Variants in FSTL4 observed in about 807,000 individuals in gnomAD.
FSTL4 encodes the protein follistatin like 4, also known as follistatin-related protein 4.
A neutral mutation model predicts 78.2 loss-of-function variants in FSTL4; 28 were observed. The ratio of observed to expected loss-of-function variants is 0.36; its 90% CI spans 0.27 to 0.49. The LOEUF (loss-of-function observed/expected upper bound fraction) is 0.49, where lower values mean the gene tolerates loss of function less well. Among genes scored for constraint, FSTL4 ranks in the 20% least tolerant of loss-of-function variants. FSTL4 has a pLI of 0.98. For synonymous variants in FSTL4, 422 were observed against 440.5 expected (o/e 0.96, Z 0.53); for missense variants, 922 against 1,084.9 (o/e 0.85, Z 2.11).
chr5:133,803,902 G>A, the FSTL4 span, among the ~76,000 whole-genome samples: 1 of 152,190 alleles, frequency 6.6e-6, no homozygotes, highest in Non-Finnish European at 1.5e-5. Context: ...GAGGGCAGAA[G>A]AGAAAGAGAA....
chr5:133,796,700 C>T, the FSTL4 span, among the ~76,000 whole-genome samples: 1 of 151,994 alleles, frequency 6.6e-6, no homozygotes, highest in Admixed American at 6.6e-5. Flanking sequence ...CTCATCTCCT[C>T]ACCTACTCTG....
intron 3 of FSTL4, among the ~76,000 whole-genome samples, chr5:133,407,631 C>T (rs1018388046): frequency 1.3e-5 from 2 of 152,230 alleles, no homozygotes; most frequent in Non-Finnish European, 2.9e-5. Flanking sequence ...AGAGAAGGAA[C>T]ACCTTTCATC....
the FSTL4 span, among the ~76,000 whole-genome samples, chr5:133,714,543 C>T: frequency 1.3e-5 from 2 of 152,210 alleles, no homozygotes; most frequent in Non-Finnish European, 2.9e-5. Flanking sequence ...CTCTTTGCTG[C>T]GTCTTCACTT....
intron 3 of FSTL4, among the ~76,000 whole-genome samples, chr5:133,402,005 G>T (rs1338070737): frequency 6.6e-6 from 1 of 152,144 alleles, no homozygotes; most frequent in Admixed American, 6.5e-5. Context: ...TGTTCAGGAT[G>T]GGGGTGGGGG....
intron 3 of FSTL4, among the ~76,000 whole-genome samples, chr5:133,439,871 T>A (rs956602875): frequency 6.6e-6 from 1 of 151,912 alleles, no homozygotes; most frequent in Non-Finnish European, 1.5e-5. Context: ...CCTGGCACCA[T>A]CAGTGCTAGA....
chr5:133,241,520 C>G (rs959494648), intron 7 of FSTL4, among the ~76,000 whole-genome samples: 1 of 152,248 alleles, frequency 6.6e-6, no homozygotes, highest in African/African-American at 2.4e-5. Flanking sequence ...CTTGTCCACC[C>G]TTAGAGGCCA....
the FSTL4 span, among the ~76,000 whole-genome samples, chr5:133,715,975 A>G: frequency 6.6e-6 from 1 of 152,218 alleles, no homozygotes; most frequent in South Asian, 2.1e-4. Context: ...GTGAAGGAGC[A>G]GAAGAAAGCA....
At chr5:133,753,685 G>GTGTGTT in the FSTL4 span, among the ~76,000 whole-genome samples, 5 of 28,688 alleles carry the variant, frequency 1.7e-4, no homozygotes, top group African/African-American at 7.9e-4. Flanking sequence ...CATTTGTTCT[G>GTGTGTT]TGTGTGTGTG....
At chr5:133,801,188 C>T in the FSTL4 span, among the ~76,000 whole-genome samples, 1 of 152,220 alleles carries the variant, frequency 6.6e-6, no homozygotes, top group East Asian at 1.9e-4. Flanking sequence ...TTGGTGCCCA[C>T]TGCTGCGACT....
intron 3 of FSTL4, among the ~76,000 whole-genome samples, chr5:133,512,065 C>T (rs1344776537): frequency 6.6e-6 from 1 of 152,272 alleles, no homozygotes; most frequent in African/African-American, 2.4e-5. Context: ...CCTCCTTCTA[C>T]ATCCTTCACT....
the FSTL4 span, among the ~76,000 whole-genome samples, chr5:133,667,097 C>T: frequency 0.011 from 1,715 of 152,326 alleles, 15 homozygotes; most frequent in Middle Eastern, 0.017. Context: ...TTCTGCAAAT[C>T]TGCTCCTCCC....
At chr5:133,736,946 G>A in the FSTL4 span, among the ~76,000 whole-genome samples, 1 of 151,864 alleles carries the variant, frequency 6.6e-6, no homozygotes, top group Non-Finnish European at 1.5e-5. Flanking sequence ...AATGTTTGTG[G>A]GTACATAGTA....
At chr5:133,262,236 T>C (rs1752547620) in intron 6 of FSTL4, among the ~76,000 whole-genome samples, 1 of 152,154 alleles carries the variant, frequency 6.6e-6, no homozygotes, top group African/African-American at 2.4e-5. Context: ...CCCCAGCCCC[T>C]GTTCTACAGG....
intron 3 of FSTL4, among the ~76,000 whole-genome samples, chr5:133,546,062 G>C (rs1184322694): frequency 6.6e-6 from 1 of 152,248 alleles, no homozygotes; most frequent in Non-Finnish European, 1.5e-5. Flanking sequence ...AAATATCTAA[G>C]TGTCAGCAAA....
chr5:133,463,863 G>A (rs1010840007), intron 3 of FSTL4, among the ~76,000 whole-genome samples: 3 of 152,224 alleles, frequency 2.0e-5, no homozygotes, highest in Non-Finnish European at 2.9e-5. Context: ...CTGGAGAATA[G>A]GAAGGACCAG....
At chr5:133,465,637 G>A (rs1757691196) in intron 3 of FSTL4, among the ~76,000 whole-genome samples, 1 of 152,226 alleles carries the variant, frequency 6.6e-6, no homozygotes, top group Non-Finnish European at 1.5e-5. Context: ...ACATGGAGGA[G>A]CACAGTGGGG....
chr5:133,739,401 C>T, the FSTL4 span, among the ~76,000 whole-genome samples: 1 of 151,816 alleles, frequency 6.6e-6, no homozygotes, highest in Non-Finnish European at 1.5e-5. Context: ...GGAACAGCTA[C>T]AAAGGAACCC....
At position 133,426,018 on chromosome 5, in the gene FSTL4, A is replaced by T. The variant is rs951676862; in HGVS notation, c.161-25032T>A. ...GTGCTGGGGACCCCCCCTGAGCAAG[A>T]CCCTTCTCTCTTGGCCTTGGTCTTC... On this transcript the variant is annotated intron_variant, in intron 3 of 15. Transcript: ENST00000265342. This position sits in a 1 kb window ranked among gnomAD's most constrained non-coding sequence, Gnocchi z 5.0. 6.6e-6 allele frequency among the ~76,000 whole-genome samples: 1 copy of T among 152,076 alleles called. No homozygotes were observed.
intron 4 of FSTL4, among the ~76,000 whole-genome samples, chr5:133,385,958 A>C (rs1215052874): frequency 6.6e-6 from 1 of 152,144 alleles, no homozygotes; most frequent in Admixed American, 6.5e-5. Flanking sequence ...TATACATGTA[A>C]GAGATGTGGC....
Sources: allele counts gnomAD v4.1 joint callset (sites outside exome capture counted in the v4.1 genomes callset), GRCh38; gene constraint gnomAD v4.1.1; non-coding constraint Gnocchi (gnomAD v3.1); transcripts MANE v1.5; gene names NCBI Gene and HGNC (gene_info 2026-07-23, HGNC 2026-07-21).